The following RP1L1 variants were observed in gnomAD, a reference collection of about 807,000 sequenced individuals.
The protein encoded by RP1L1 is retinitis pigmentosa 1-like 1 protein.
RP1L1 carries 27 observed loss-of-function variants against 15.7 expected under a neutral mutation model. The observed-to-expected ratio is 1.72, with a 90% CI of 1.27 to 2.38. RP1L1 has a LOEUF of 2.38. Among genes scored for constraint, RP1L1 ranks in the 30% most tolerant of loss-of-function variants. RP1L1 has a pLI of 0.00. For missense variants in RP1L1, 4,798 were observed against 3,075.9 expected (o/e 1.56, Z -13.24); for synonymous variants, 1,813 against 1,276.7 (o/e 1.42, Z -8.96).
chr8:10,653,760 T>A (rs1798597764), intron 1 of RP1L1, among the ~76,000 whole-genome samples: 2 of 152,174 alleles, frequency 1.3e-5, no homozygotes, highest in African/African-American at 4.8e-5. Flanking sequence ...GAGGTCACTA[T>A]AATTTGTAAG....
intron 1 of RP1L1, among the ~76,000 whole-genome samples, chr8:10,632,700 T>C (rs538982601): frequency 6.6e-6 from 1 of 152,342 alleles, no homozygotes; most frequent in South Asian, 2.1e-4. Flanking sequence ...GCTCGGGAAC[T>C]ATTTGTTGAG....
Position 10,610,962 on chromosome 8 carries a change from C to T in RP1L1, c.3136G>A (p.Ala1046Thr). The T allele has an allele frequency of 6.2e-7, 1 of 1,612,180 alleles. No individual in the cohort carries two copies. The highest frequency in any genetic ancestry group is 1.3e-5 in the African/African-American group (1 of 75,018). Residue 1046 changes from alanine to threonine, a missense_variant, in exon 4 of 4, where the codon GCA becomes ACA. By Grantham distance (58) the Ala-to-Thr change is moderately conservative. Coordinates refer to ENST00000382483, the MANE Select transcript of RP1L1 (RefSeq NM_178857.6). Reference sequence around the variant, plus strand: ...GCCTCGGAAACTCCCTCTGGAGCTGCCCCTTGGGGGACACCCTCTCCTGAT... The same window carrying T: ...GCCTCGGAAACTCCCTCTGGAGCTGTCCCTTGGGGGACACCCTCTCCTGAT... Reference protein sequence around the residue: ...PQSGEGVPQGAAPEGVSEAPA... With the variant: ...PQSGEGVPQGTAPEGVSEAPA...
In RP1L1 at chr8:10,609,877, C is replaced by T. The variant is rs1563122202; in HGVS notation, c.4221G>A (p.Gly1407=). ...GAGAGCTGGCCTCTGACAATTCCTG[C>T]CCGTGGACGCTTCCTTCTTCTGGAA... ...EGLPEEGSVH[G]QELSEASSPD... The change falls in exon 4 of 4, where the codon GGG becomes GGA. Residue 1407 remains glycine, a synonymous_variant. Coordinates refer to ENST00000382483, the MANE Select transcript of RP1L1 (RefSeq NM_178857.6). 8.7e-6 allele frequency: 14 copies of T among 1,614,094 alleles called. No homozygotes were observed. The highest frequency in any genetic ancestry group is 1.2e-5 in the Non-Finnish European group (14 of 1,180,036).
chr8:10,647,809 C>A (rs1798501336), intron 1 of RP1L1, among the ~76,000 whole-genome samples: 1 of 152,182 alleles, frequency 6.6e-6, no homozygotes, highest in South Asian at 2.1e-4. Context: ...ACAAGATGTA[C>A]AAACAGCTTT....
chr8:10,646,476 C>A (rs1344954816), intron 1 of RP1L1, among the ~76,000 whole-genome samples: 2 of 152,094 alleles, frequency 1.3e-5, no homozygotes, highest in Non-Finnish European at 2.9e-5. Context: ...TTATTGGAGC[C>A]CACGAGAGGA....
At chr8:10,634,885 G>T (rs1409802692) in intron 1 of RP1L1, among the ~76,000 whole-genome samples, 1 of 152,106 alleles carries the variant, frequency 6.6e-6, no homozygotes, top group Non-Finnish European at 1.5e-5. Context: ...GACACCAAGG[G>T]TCCTTGCCCC....
intron 1 of RP1L1, among the ~76,000 whole-genome samples, chr8:10,648,362 G>T (rs1324714117): frequency 6.6e-6 from 1 of 151,888 alleles, no homozygotes; most frequent in Non-Finnish European, 1.5e-5. Flanking sequence ...TTGTTTGTTT[G>T]TTTTTTTAAT....
At chr8:10,632,457 G>C (rs1798266829) in intron 1 of RP1L1, among the ~76,000 whole-genome samples, 1 of 152,170 alleles carries the variant, frequency 6.6e-6, no homozygotes, top group African/African-American at 2.4e-5. Context: ...GATGTATACA[G>C]ATATCTCCAC....
At chr8:10,628,341 C>CT in intron 1 of RP1L1, among the ~76,000 whole-genome samples, 1 of 152,282 alleles carries the variant, frequency 6.6e-6, no homozygotes, top group East Asian at 1.9e-4. Flanking sequence ...AATAGCCCCC[C>CT]TCCCTTTCAA....
chr8:10,618,355 A>C (rs1798004331), intron 2 of RP1L1, among the ~76,000 whole-genome samples: 1 of 152,152 alleles, frequency 6.6e-6, no homozygotes, highest in African/African-American at 2.4e-5. Flanking sequence ...CAAAGAAAAA[A>C]AAATTACTTG....
At chr8:10,623,660 C>T (rs1370500279) in intron 1 of RP1L1, among the ~76,000 whole-genome samples, 1 of 151,716 alleles carries the variant, frequency 6.6e-6, no homozygotes, top group Non-Finnish European at 1.5e-5. Context: ...TGCCATGTCC[C>T]CAGCAAAGCC....
intron 1 of RP1L1, among the ~76,000 whole-genome samples, chr8:10,646,383 T>C (rs1469607253): frequency 6.6e-6 from 1 of 152,174 alleles, no homozygotes; most frequent in Non-Finnish European, 1.5e-5. Flanking sequence ...CTGGGAGCCT[T>C]GTATGCTCTC....
At chr8:10,641,387 A>G (rs772759612) in intron 1 of RP1L1, among the ~76,000 whole-genome samples, 16 of 152,206 alleles carry the variant, frequency 1.1e-4, no homozygotes, top group Non-Finnish European at 2.2e-4. Context: ...TATCAATGAG[A>G]AATAAATGTG....
intron 1 of RP1L1, among the ~76,000 whole-genome samples, chr8:10,625,158 G>T (rs1053507996): frequency 6.6e-6 from 1 of 152,164 alleles, no homozygotes; most frequent in African/African-American, 2.4e-5. Flanking sequence ...AAAATCATGA[G>T]GTTTCTCCTC....
intron 1 of RP1L1, among the ~76,000 whole-genome samples, chr8:10,638,238 A>G (rs1395575298): frequency 6.6e-6 from 1 of 152,220 alleles, no homozygotes; most frequent in Non-Finnish European, 1.5e-5. Flanking sequence ...ATTCAAACGT[A>G]TTTCCATGTA....
In RP1L1 at chr8:10,611,663, C is replaced by A; in HGVS notation, c.2435G>T (p.Arg812Leu). 1 of 1,613,260 alleles carries A rather than the reference C, an allele frequency of 6.2e-7. No homozygotes were observed. The highest frequency in any genetic ancestry group is 8.5e-7 in the Non-Finnish European group (1 of 1,179,970). Reference sequence around the variant, plus strand: ...GGGGCCCACCGCCCCTTGCTCAGGCCGTCCAACCTGCAGAACCAAGGGTGA... The same window carrying A: ...GGGGCCCACCGCCCCTTGCTCAGGCAGTCCAACCTGCAGAACCAAGGGTGA... Reference protein sequence around the residue: ...PSSPLVLQVGRPEQGAVGPHR... With the variant: ...PSSPLVLQVGLPEQGAVGPHR... The change falls in exon 4 of 4, where the codon CGG (arginine) becomes CTG (leucine). Residue 812 changes from arginine (R) to leucine (L), a missense_variant. Arg to Leu is a moderately radical substitution (Grantham distance 102). Coordinates refer to ENST00000382483, the MANE Select transcript of RP1L1 (RefSeq NM_178857.6).
At chr8:10,618,538 A>AC (rs1798007951) in intron 2 of RP1L1, among the ~76,000 whole-genome samples, 1 of 152,064 alleles carries the variant, frequency 6.6e-6, no homozygotes, top group African/African-American at 2.4e-5. Flanking sequence ...AAACAAACAA[A>AC]AAAATTAGCC....
In RP1L1 at chr8:10,613,235, G is replaced by A. The variant is rs369922726; in HGVS notation, c.863C>T (p.Ala288Val). Residue 288 changes from alanine to valine, a missense_variant, in exon 4 of 4, where the codon GCT (alanine) becomes GTT (valine). Ala to Val is a moderately conservative substitution (Grantham distance 64). Transcript: ENST00000382483. Reference sequence around the variant, plus strand: ...CGTGTCCTGAGGGTGCCTGCCAGGAGCAGGGCCCACCGGGGGGTTGCTAGG... The same window carrying A: ...CGTGTCCTGAGGGTGCCTGCCAGGAACAGGGCCCACCGGGGGGTTGCTAGG... ...PGPSNPPVGP[A>V]PGRHPQDTPA... 2.5e-6 allele frequency: 4 copies of A among 1,612,978 alleles called. No homozygotes were observed. The South Asian group carries it at 3.3e-5, about 13-fold the overall frequency.
At chr8:10,615,463 A>G (rs931413777) in intron 3 of RP1L1, among the ~76,000 whole-genome samples, 24 of 152,170 alleles carry the variant, frequency 1.6e-4, no homozygotes, top group African/African-American at 5.8e-4. Context: ...CTGTTGCCTG[A>G]GACCATCGTG....
Sources: allele counts gnomAD v4.1 joint callset (sites outside exome capture counted in the v4.1 genomes callset), GRCh38; gene constraint gnomAD v4.1.1; transcripts MANE v1.5; gene names NCBI Gene and HGNC (gene_info 2026-07-23, HGNC 2026-07-21).